The following F5 variants were observed in gnomAD, a reference collection of about 807,000 sequenced individuals.
F5 encodes the protein coagulation factor V, also known as activated protein c cofactor.
F5 carries 138 observed loss-of-function variants against 216.4 expected under a neutral mutation model. The observed-to-expected ratio is 0.64, with a 90% CI of 0.56 to 0.73. The LOEUF is 0.73. F5 is among the 30% of genes least tolerant of loss of function. The pLI is 0.00. For synonymous variants in F5, 916 were observed against 930.7 expected, an observed-to-expected ratio of 0.98 and a Z score of 0.29; for missense variants, 2,403 against 2,674.0, an observed-to-expected ratio of 0.90 and a Z score of 2.24.
At chr1:169,563,744 C>T (rs533575563) in intron 3 of F5, among the ~76,000 whole-genome samples, 1 of 151,856 alleles carries the variant, frequency 6.6e-6, no homozygotes, top group Non-Finnish European at 1.5e-5. Context: ...TCTGTGTATG[C>T]ATATTTATAT....
Position 169,514,178 on chromosome 1 carries a change from AT to A in F5, c.*134del. The A allele has an allele frequency of 1.3e-5, 12 of 903,520 alleles. No homozygotes were observed. Among genetic ancestry groups the A allele is most frequent in the Non-Finnish European group, 2.1e-5 (12 of 576,948 alleles). 56.0% of individuals were successfully genotyped at this position (903,520 alleles called of 1,614,324 possible). A position where few individuals can be genotyped will look rare whatever the true frequency, so the allele number is the denominator to read the frequency against. On this transcript the variant is annotated 3_prime_UTR_variant, in exon 25 of 25. Transcript: ENST00000367797. ...ACATTATAAAAGCTTCTTGTATAAA[AT>A]TTTATTCACTAATAGAAAAGAAAGA...
intron 4 of F5, 68 bp downstream of exon 4, chr1:169,560,486 G>T: frequency 6.7e-7 from 1 of 1,491,112 alleles, no homozygotes; most frequent in Non-Finnish European, 9.3e-7. Flanking sequence ...CCCAAGCTTT[G>T]TCCCATGACA....
At chr1:169,514,541 C>G (rs1659114909) in intron 24 of F5, 82 bp from the exon 25 acceptor site, 3 of 1,247,470 alleles carry the variant, frequency 2.4e-6, no homozygotes, top group Non-Finnish European at 3.4e-6. Flanking sequence ...TAGACAGGGT[C>G]TTATTCTGTT....
At position 169,523,915 on chromosome 1, in the gene F5, G is replaced by T. The variant is rs781178931; in HGVS notation, c.5789-11C>A. 2.5e-6 allele frequency: 4 copies of T among 1,600,584 alleles called. No homozygotes were observed. The highest frequency in any genetic ancestry group is 2.6e-6 in the Non-Finnish European group (3 of 1,168,556). ...TGGGCTCCCAGTAACCTAAACTCAA[G>T]GGAAGAAAAAGATTTATTCTGAATT... On this transcript the variant is annotated splice_polypyrimidine_tract_variant and intron_variant, in intron 19 of 24. Transcript: ENST00000367797.
chr1:169,531,506 T>C lies in F5; in HGVS notation c.4972-484A>G, dbSNP rs117558083. ...GGTTGGAAGAATTAAGGTAAGTTTC[T>C]TAGAGGAAATGGAATTGGCCATCAT... On this transcript the variant is annotated intron_variant, in intron 14 of 24. Coordinates refer to ENST00000367797, the MANE Select transcript of F5 (RefSeq NM_000130.5). Among the ~76,000 whole-genome samples the C allele has an allele frequency of 1.7e-4, 26 of 152,256 alleles. No individual in the cohort carries two copies. In the East Asian group the frequency reaches 5.0e-3, roughly 29 times the overall value.
chr1:169,563,609 G>C (rs1660530043), intron 3 of F5, among the ~76,000 whole-genome samples: 2 of 151,968 alleles, frequency 1.3e-5, no homozygotes, highest in African/African-American at 4.8e-5. Context: ...ATTTCATCCA[G>C]TGTTTGTTGT....
chr1:169,552,964 A>G (rs1451946191), intron 7 of F5, among the ~76,000 whole-genome samples: 6 of 152,196 alleles, frequency 3.9e-5, no homozygotes, highest in Non-Finnish European at 7.3e-5. Context: ...AACTGGTTAG[A>G]AGCAGCTACT....
At chr1:169,547,596 A>T (rs1345183991) in intron 10 of F5, among the ~76,000 whole-genome samples, 1 of 152,250 alleles carries the variant, frequency 6.6e-6, no homozygotes, top group Admixed American at 6.5e-5. Flanking sequence ...AAAACGCTCA[A>T]CATCACTGAT....
chr1:169,550,299 C>CCCCCCCG (rs1553221195), intron 9 of F5, among the ~76,000 whole-genome samples: 1 of 121,528 alleles, frequency 8.2e-6, no homozygotes, highest in Non-Finnish European at 1.8e-5. Context: ...CCCCCCCCCC[C>CCCCCCCG]CGACAGGCCC....
chr1:169,544,193 A>C, intron 12 of F5, 103 bp downstream of exon 12: 1 of 889,494 alleles, frequency 1.1e-6, no homozygotes, highest in South Asian at 1.4e-5. Flanking sequence ...GGGGTCAGGG[A>C]GATACATAGA....
intron 16 of F5, 114 bp from the exon 17 acceptor site, chr1:169,528,208 C>A: frequency 7.7e-7 from 1 of 1,297,502 alleles, no homozygotes; most frequent in East Asian, 2.4e-5. Flanking sequence ...ATTCTGCATT[C>A]CCAGGCCTAC....
intron 3 of F5, among the ~76,000 whole-genome samples, chr1:169,569,307 G>A (rs917874373): frequency 2.0e-5 from 3 of 152,082 alleles, no homozygotes; most frequent in African/African-American, 7.2e-5. Flanking sequence ...GGCAGAAAAC[G>A]TGTTTTATTT....
chr1:169,533,571 A>C (rs1221015037), intron 14 of F5, among the ~76,000 whole-genome samples: 1 of 152,224 alleles, frequency 6.6e-6, no homozygotes, highest in Non-Finnish European at 1.5e-5. Flanking sequence ...TAACCCCATT[A>C]AAAAGTGGGC....
At position 169,518,460 on chromosome 1, in the gene F5, G is replaced by C; in HGVS notation, c.6297C>G (p.Phe2099Leu). 1 of 1,613,818 alleles carries C rather than the reference G, an allele frequency of 6.2e-7. No individual in the cohort carries two copies. Among genetic ancestry groups the C allele is most frequent in the Admixed American group, 1.7e-5 (1 of 59,992 alleles). ...GTCCCTGGGCATTCAGACGGGCACG[G>C]AAGGGTTCCCAGTAATCTCCCCACC... is the stretch of plus-strand genomic sequence containing the variant. The part of the protein sequence containing the change: ...KSWWGDYWEP[F>L]RARLNAQGRV... The change falls in exon 23 of 25, where the codon TTC becomes TTG. Residue 2099 changes from phenylalanine to leucine, a missense_variant. Phe to Leu is a conservative substitution (Grantham distance 22, BLOSUM62 0). Coordinates refer to ENST00000367797, the MANE Select transcript of F5 (RefSeq NM_000130.5).
In F5 at chr1:169,514,030, A is replaced by G. The variant is rs368526761; in HGVS notation, c.*283T>C. 2.1e-5 allele frequency: 8 copies of G among 386,940 alleles called. No homozygotes were observed. The highest frequency in any genetic ancestry group is 8.2e-5 in the African/African-American group (4 of 49,016). The allele number at this position is 386,940 out of a possible 1,614,324, so 24.0% of individuals were successfully genotyped here. On this transcript the variant is annotated 3_prime_UTR_variant, in exon 25 of 25. Transcript: ENST00000367797. ...ATTTTAACTACATAAATATTACTTC[A>G]TAGCATTTTCAATCATTAAGAAAGA... is the stretch of plus-strand genomic sequence containing the variant.
chr1:169,560,763 G>C lies in F5; in HGVS notation c.377C>G (p.Ala126Gly). Residue 126 changes from alanine (A) to glycine (G), a missense_variant, in exon 4 of 25, where the codon GCT (alanine) becomes GGT (glycine). This residue lies in a region of F5 where 1,425 missense variants were observed against 1,554.8 expected (regional missense o/e 0.92). Coordinates refer to ENST00000367797, the MANE Select transcript of F5 (RefSeq NM_000130.5). ...AGGGAATGTGTGGTCAAGGTAAGAA[G>C]CACCTGGAGGAGTAACAGCCATCAA... ...GIRYSKLSEG[A>G]SYLDHTFPAE... The C allele has an allele frequency of 6.2e-7, 1 of 1,611,906 alleles. No individual in the cohort carries two copies. The highest frequency in any genetic ancestry group is 8.5e-7 in the Non-Finnish European group (1 of 1,179,632).
At chr1:169,573,315 T>C (rs1399938771) in intron 2 of F5, among the ~76,000 whole-genome samples, 1 of 152,090 alleles carries the variant, frequency 6.6e-6, no homozygotes, top group Non-Finnish European at 1.5e-5. Context: ...TAGTATAACG[T>C]GTATTAAAAG....
chr1:169,560,718 G>A lies in F5; in HGVS notation c.422C>T (p.Ala141Val), dbSNP rs552811471. Residue 141 changes from alanine (A) to valine (V), a missense_variant, in exon 4 of 25, where the codon GCT becomes GTT. Coordinates refer to ENST00000367797, the MANE Select transcript of F5 (RefSeq NM_000130.5). ...GGTGTATTCTCGGCCTGGAGCCACAGCGTCGTCCATCTTCTCCGCAGGGAA... is the reference window on the plus strand; with the variant it reads ...GGTGTATTCTCGGCCTGGAGCCACAACGTCGTCCATCTTCTCCGCAGGGAA... ...HTFPAEKMDD[A>V]VAPGREYTYE... is the part of the protein sequence containing the mutation. 3 of 1,613,366 alleles carry A rather than the reference G, an allele frequency of 1.9e-6. No individual in the cohort carries two copies. Among genetic ancestry groups the A allele is most frequent in the South Asian group, 2.2e-5 (2 of 91,042 alleles).
intron 2 of F5, among the ~76,000 whole-genome samples, chr1:169,574,481 G>A (rs1288354062): frequency 6.6e-6 from 1 of 152,200 alleles, no homozygotes; most frequent in African/African-American, 2.4e-5. Flanking sequence ...CCATCCACAA[G>A]TGTCATGGGA....
Sources: allele counts gnomAD v4.1 joint callset (sites outside exome capture counted in the v4.1 genomes callset), GRCh38; gene constraint gnomAD v4.1.1; regional missense constraint gnomAD v4.1.1; transcripts MANE v1.5; gene names NCBI Gene and HGNC (gene_info 2026-07-23, HGNC 2026-07-21).